SLC9B1: variants seen among roughly 807,000 people sequenced by gnomAD.
The protein encoded by SLC9B1 is solute carrier family 9 member B1, also known as sodium/hydrogen exchanger 9B1.
Under a neutral mutation model 51.7 loss-of-function variants are expected in SLC9B1, and 32 were observed. The observed-to-expected ratio is 0.62, with a 90% confidence interval of 0.47 to 0.83. SLC9B1 has a LOEUF of 0.83. SLC9B1 is among the 40% of genes least tolerant of loss of function. The pLI, the probability that SLC9B1 is intolerant of heterozygous loss-of-function variation, is 0.00. For missense variants in SLC9B1, 406 were observed against 613.2 expected (o/e 0.66, Z 3.57); for synonymous variants, 145 against 212.7 (o/e 0.68, Z 2.77).
chr4:102,920,221 A>G (rs1211938642), intron 7 of SLC9B1, among the ~76,000 whole-genome samples: 1 of 152,158 alleles, frequency 6.6e-6, no homozygotes, highest in Non-Finnish European at 1.5e-5. Context: ...TCGGGCAGCA[A>G]TATTTGCTGT....
At chr4:102,905,834 G>T (rs1195119236) in intron 10 of SLC9B1, among the ~76,000 whole-genome samples, 184 bp from the exon 11 acceptor site, 2 of 152,140 alleles carry the variant, frequency 1.3e-5, no homozygotes, top group Non-Finnish European at 2.9e-5. Flanking sequence ...TCTGTAAAGT[G>T]CAAGAGAGTA....
chr4:102,945,154 A>G (rs1256803997), intron 6 of SLC9B1, 39 bp downstream of exon 6: 2 of 1,524,602 alleles, frequency 1.3e-6, no homozygotes, highest in Non-Finnish European at 1.8e-6. Flanking sequence ...AGCATCCTTA[A>G]TTGAATATTT....
At chr4:102,985,212 T>TA (rs1401382537) in intron 3 of SLC9B1, among the ~76,000 whole-genome samples, 1 of 152,328 alleles carries the variant, frequency 6.6e-6, no homozygotes, top group East Asian at 1.9e-4. Context: ...ATGTATCTTG[T>TA]AAAAAACACA....
rs772664880 is a variant in SLC9B1, at chr4:102,934,763, C to CAA, written c.654-2466_654-2465dup. On this transcript the variant is annotated intron_variant, in intron 6 of 11. Coordinates refer to ENST00000296422, the MANE Select transcript of SLC9B1 (RefSeq NM_139173.4). Reference sequence around the variant, plus strand: ...CCTGGGTGACAGGAAGACTCTGTCACAAAAAAAAAAAAAAAGAAAATGTAG... The same window carrying CAA: ...CCTGGGTGACAGGAAGACTCTGTCACAAAAAAAAAAAAAAAAAGAAAATGTAG... Among the ~76,000 whole-genome samples the CAA allele has an allele frequency of 4.3e-3, 501 of 115,498 alleles. 2 individuals are homozygous for CAA. Among genetic ancestry groups the CAA allele is most frequent in the Middle Eastern group, 0.013 (3 of 230 alleles). 75.8% of individuals were successfully genotyped at this position (115,498 alleles called of 152,430 possible). A position where few individuals can be genotyped will look rare whatever the true frequency, so the allele number is the denominator to read the frequency against.
chr4:102,935,627 C>G lies in SLC9B1; in HGVS notation c.654-3328G>C, dbSNP rs1388397448. ...GTGTATCCATCTTGAGATGGATAAA[C>G]CTCAAGACTATTGTTAAGTGAAAAG... On this transcript the variant is annotated intron_variant, in intron 6 of 11. Coordinates refer to ENST00000296422, the MANE Select transcript of SLC9B1 (RefSeq NM_139173.4). Among the ~76,000 whole-genome samples, 3 of 152,088 alleles carry G rather than the reference C, an allele frequency of 2.0e-5. No homozygotes were observed. In the East Asian group the frequency reaches 5.8e-4, roughly 29 times the overall value.
intron 1 of SLC9B1, among the ~76,000 whole-genome samples, chr4:103,017,293 C>T (rs1741421363): frequency 1.3e-5 from 2 of 152,216 alleles, no homozygotes; most frequent in African/African-American, 4.8e-5. Flanking sequence ...TCTTGCTCCC[C>T]ACCCAGTATG....
At chr4:102,966,033 T>C (rs1018499874) in intron 3 of SLC9B1, among the ~76,000 whole-genome samples, 2 of 152,214 alleles carry the variant, frequency 1.3e-5, no homozygotes, top group Admixed American at 1.3e-4. Context: ...CCCACCTCCA[T>C]TGCTTTGTTG....
At chr4:102,901,894 TA>T (rs1236212271) in intron 11 of SLC9B1, among the ~76,000 whole-genome samples, 1 of 152,198 alleles carries the variant, frequency 6.6e-6, no homozygotes, top group Non-Finnish European at 1.5e-5. Context: ...TCACACTCTC[TA>T]ACCTTCTACT....
chr4:102,973,240 G>T (rs1337524399), intron 3 of SLC9B1, among the ~76,000 whole-genome samples: 1 of 152,136 alleles, frequency 6.6e-6, no homozygotes, highest in South Asian at 2.1e-4. Flanking sequence ...AAATTCTGAA[G>T]GTATGAGAAG....
At chr4:102,998,088 C>T (rs142185764) in intron 1 of SLC9B1, among the ~76,000 whole-genome samples, 2 of 152,208 alleles carry the variant, frequency 1.3e-5, no homozygotes, top group East Asian at 3.9e-4. Context: ...CATTGTTAAG[C>T]AACCATCACC....
In SLC9B1 at chr4:102,915,970, G is replaced by T. The variant is rs1374276434; in HGVS notation, c.830-4433C>A. 2.6e-5 allele frequency among the ~76,000 whole-genome samples: 4 copies of T among 152,060 alleles called. No homozygotes were observed. The East Asian group carries it at 7.7e-4, about 29-fold the overall frequency. On this transcript the variant is annotated intron_variant, in intron 7 of 11. Coordinates refer to ENST00000296422, the MANE Select transcript of SLC9B1 (RefSeq NM_139173.4). ...AAACATGAGAAAGGAACCCAAGCAT[G>T]CCCCTACCAAAAAAAGAAATCAGTG...
At chr4:102,992,779 C>T (rs1740013167) in intron 1 of SLC9B1, among the ~76,000 whole-genome samples, 1 of 152,092 alleles carries the variant, frequency 6.6e-6, no homozygotes, top group East Asian at 1.9e-4. Flanking sequence ...CATTTTCATG[C>T]AGCTATGAAG....
chr4:102,906,161 C>T (rs1735043795), intron 10 of SLC9B1: 1 of 161,030 alleles, frequency 6.2e-6, no homozygotes, highest in Admixed American at 6.4e-5. Context: ...TCTCGAACTC[C>T]TAACTTCAAG....
chr4:103,002,983 A>G (rs1740603333), intron 1 of SLC9B1, among the ~76,000 whole-genome samples: 1 of 152,194 alleles, frequency 6.6e-6, no homozygotes, highest in Non-Finnish European at 1.5e-5. Context: ...AACTTCTTAT[A>G]TAAAAAAGAA....
chr4:103,018,841 G>T (rs1181954247), intron 1 of SLC9B1, among the ~76,000 whole-genome samples: 1 of 152,168 alleles, frequency 6.6e-6, no homozygotes, highest in East Asian at 1.9e-4. Flanking sequence ...TTAGGAACAG[G>T]CCACACAGCA....
At chr4:102,922,526 C>T (rs1287414579) in intron 7 of SLC9B1, among the ~76,000 whole-genome samples, 1 of 152,092 alleles carries the variant, frequency 6.6e-6, no homozygotes, top group African/African-American at 2.4e-5. Flanking sequence ...CAAACACATT[C>T]AAAAGCCAGC....
At chr4:102,948,174 T>A (rs1480906550) in intron 4 of SLC9B1, among the ~76,000 whole-genome samples, 1 of 152,132 alleles carries the variant, frequency 6.6e-6, no homozygotes, top group Admixed American at 6.6e-5. Context: ...CAATAATTTG[T>A]ATTCATTCAT....
chr4:102,907,396 A>G (rs1381744246), intron 9 of SLC9B1, among the ~76,000 whole-genome samples: 2 of 152,256 alleles, frequency 1.3e-5, no homozygotes, highest in Non-Finnish European at 2.9e-5. Context: ...ATCCTGATAT[A>G]TATAGCATAT....
At chr4:102,950,661 T>C (rs1364934764) in intron 3 of SLC9B1, among the ~76,000 whole-genome samples, 1 of 152,188 alleles carries the variant, frequency 6.6e-6, no homozygotes, top group Non-Finnish European at 1.5e-5. Context: ...ATTGTCATCC[T>C]GCAAAACTGG....
Sources: allele counts gnomAD v4.1 joint callset (sites outside exome capture counted in the v4.1 genomes callset), GRCh38; gene constraint gnomAD v4.1.1; transcripts MANE v1.5; gene names NCBI Gene and HGNC (gene_info 2026-07-23, HGNC 2026-07-21).